Variants in SON observed in about 807,000 individuals in gnomAD.
The protein encoded by SON is SON DNA and RNA binding protein, also known as protein SON.
A neutral mutation model predicts 173.3 loss-of-function variants in SON; 4 were observed. The ratio of observed to expected loss-of-function variants is 0.02; its 90% CI spans 0.01 to 0.05. The LOEUF (loss-of-function observed/expected upper bound fraction) is 0.05. Ranked by LOEUF, SON falls within the 10% of genes least tolerant of loss-of-function variation. The pLI is 1.00. For synonymous variants in SON, 1,190 were observed against 1,105.9 expected (o/e 1.08, Z -1.51); for missense variants, 2,626 against 3,055.3 (o/e 0.86, Z 3.31).
chr21:33,545,250 C>T (rs558749010), intron 1 of SON, among the ~76,000 whole-genome samples: 1 of 152,230 alleles, frequency 6.6e-6, no homozygotes, highest in African/African-American at 2.4e-5. Context: ...AACAGTATGA[C>T]ACTAGTAGTC....
At chr21:33,575,122 C>T (rs1019360583) in intron 9 of SON, among the ~76,000 whole-genome samples, 5 of 152,046 alleles carry the variant, frequency 3.3e-5, no homozygotes, top group Non-Finnish European at 4.4e-5. Context: ...CTGCAACCTT[C>T]GCTTCCAGGT....
intron 1 of SON, among the ~76,000 whole-genome samples, chr21:33,545,421 A>G (rs2085591468): frequency 6.6e-6 from 1 of 152,214 alleles, no homozygotes; most frequent in East Asian, 1.9e-4. Flanking sequence ...TCATTTAGCT[A>G]AAATTGAAGT....
chr21:33,553,726 G>C lies in SON; in HGVS notation c.4495G>C (p.Glu1499Gln), dbSNP rs1349309767. Reference sequence around the variant, plus strand: ...CTCTGGTGATCAAAATCTTGCTCCAGAGATTGGCATGCAGGAGATTGCATT... The same window carrying C: ...CTCTGGTGATCAAAATCTTGCTCCACAGATTGGCATGCAGGAGATTGCATT... The part of the protein sequence containing the change: ...LSSGDQNLAP[E>Q]IGMQEIALHS... The change falls in exon 3 of 12, where the codon GAG (glutamate) becomes CAG (glutamine). Residue 1499 changes from glutamate (E) to glutamine (Q), a missense_variant. By Grantham distance (29) the Glu-to-Gln change is conservative (BLOSUM62 2). This residue lies in a region of SON where 1,006 missense variants were observed against 895.6 expected (regional missense o/e 1.12). Transcript: ENST00000356577. The C allele has an allele frequency of 6.2e-7, 1 of 1,614,064 alleles. No homozygotes were observed. Among genetic ancestry groups the C allele is most frequent in the Admixed American group, 1.7e-5 (1 of 60,020 alleles).
intron 9 of SON, 57 bp downstream of exon 9, chr21:33,573,512 AT>A: frequency 6.7e-7 from 1 of 1,493,004 alleles, no homozygotes; most frequent in Non-Finnish European, 9.2e-7. Context: ...TACCTTTAAT[AT>A]ATCCTTTTGA....
At chr21:33,544,907 A>G (rs561393647) in intron 1 of SON, among the ~76,000 whole-genome samples, 15 of 152,354 alleles carry the variant, frequency 9.8e-5, no homozygotes, top group African/African-American at 3.4e-4. Flanking sequence ...ATAATATTAG[A>G]CGAAGCAGTT....
chr21:33,548,426 T>G (rs1386427730), intron 2 of SON, among the ~76,000 whole-genome samples: 1 of 152,196 alleles, frequency 6.6e-6, no homozygotes, highest in Non-Finnish European at 1.5e-5. Context: ...AGAATAGTAT[T>G]GGGGGAAAAT....
Position 33,554,342 on chromosome 21 carries a change from G to A in SON, c.5111G>A (p.Gly1704Glu), listed in dbSNP as rs1453503491. Reference sequence around the variant, plus strand: ...CTCAGCCCTAAAGAAAGTAGTGGAGGAGAAAAAGAAGTACCTCCCCCTCCT... The same window carrying A: ...CTCAGCCCTAAAGAAAGTAGTGGAGAAGAAAAAGAAGTACCTCCCCCTCCT... Reference protein sequence around the residue: ...ALLSPKESSGGEKEVPPPPKE... With the variant: ...ALLSPKESSGEEKEVPPPPKE... The change falls in exon 3 of 12, where the codon GGA becomes GAA. Residue 1704 changes from glycine to glutamate, a missense_variant. By Grantham distance (98) the Gly-to-Glu change is moderately conservative. Transcript: ENST00000356577. 1.2e-6 allele frequency: 2 copies of A among 1,614,150 alleles called. No homozygotes were observed. Among genetic ancestry groups the A allele is most frequent in the Non-Finnish European group, 1.7e-6 (2 of 1,180,018 alleles).
intron 6 of SON, among the ~76,000 whole-genome samples, chr21:33,563,794 T>C (rs1031272898): frequency 6.6e-6 from 1 of 152,236 alleles, no homozygotes; most frequent in African/African-American, 2.4e-5. Context: ...ATGGTGCCAG[T>C]TGCATTATGG....
At chr21:33,544,202 A>G (rs567810522) in intron 1 of SON, among the ~76,000 whole-genome samples, 1 of 152,318 alleles carries the variant, frequency 6.6e-6, no homozygotes, top group South Asian at 2.1e-4. Context: ...CCAAAGTAAT[A>G]CAGGATTATT....
At chr21:33,561,692 CTG>C (rs1174677533) in intron 6 of SON, among the ~76,000 whole-genome samples, 1 of 152,130 alleles carries the variant, frequency 6.6e-6, no homozygotes, top group Non-Finnish European at 1.5e-5. Flanking sequence ...AATCTTAACA[CTG>C]AGTGTGGTGC....
At chr21:33,573,046 T>C (rs1166413406) in intron 8 of SON, 1 of 315,854 alleles carries the variant, frequency 3.2e-6, no homozygotes, top group Non-Finnish European at 5.8e-6. Flanking sequence ...TAATTTTTTT[T>C]TTTTGAGGGG....
In SON at chr21:33,577,356, AAGTTTATGTT is replaced by A. The variant is rs2086425300; in HGVS notation, c.*934_*943del. 6.6e-6 allele frequency: 1 copy of A among 152,598 alleles called. No homozygotes were observed. The highest frequency in any genetic ancestry group is 2.1e-4 in the South Asian group (1 of 4,832). The allele number at this position is 152,598 out of a possible 1,614,324, so 9.5% of individuals were successfully genotyped here. ...ATTTTGTTGACTATGAGAAAGTTAA[AAGTTTATGTT>A]AATTTTTAGGGTCTGATAGAATATT... is the stretch of plus-strand genomic sequence containing the variant. On this transcript the variant is annotated 3_prime_UTR_variant, in exon 12 of 12. Coordinates refer to ENST00000356577, the MANE Select transcript of SON (RefSeq NM_138927.4).
intron 4 of SON, chr21:33,558,591 C>G (rs1003638539): frequency 6.6e-6 from 1 of 152,142 alleles, no homozygotes; most frequent in African/African-American, 2.4e-5. Context: ...GCTCCTTATC[C>G]AAAATGCTAA....
At position 33,559,470 on chromosome 21, in the gene SON, T is replaced by TTAAA. The variant is rs1317124157; in HGVS notation, c.6468+97_6468+100dup. 6.7e-7 allele frequency: 1 copy of TTAAA among 1,484,218 alleles called. No homozygotes were observed. The highest frequency in any genetic ancestry group is 2.3e-5 in the East Asian group (1 of 44,016). The allele number at this position is 1,484,218 out of a possible 1,614,324, so 91.9% of individuals were successfully genotyped here. ...CGAATTTAGTTTATTAATTTTTGTT[T>TTAAA]TAAATACTGTGAGAAATAATGGATA... On this transcript the variant is annotated intron_variant, in intron 5 of 11. Coordinates refer to ENST00000356577, the MANE Select transcript of SON (RefSeq NM_138927.4). This position sits in a 1 kb window ranked among gnomAD's most constrained non-coding sequence, Gnocchi z 4.1.
chr21:33,576,597 A>G lies in SON; in HGVS notation c.*173A>G, dbSNP rs748525732. On this transcript the variant is annotated 3_prime_UTR_variant, in exon 12 of 12. Coordinates refer to ENST00000356577, the MANE Select transcript of SON (RefSeq NM_138927.4). ...GATAGATTGAGGTTTTATAATAATC[A>G]TTTCAGAATTTTACTCTGCATCACA... The G allele has an allele frequency of 4.2e-6, 3 of 711,316 alleles. No individual in the cohort carries two copies. In the Admixed American group the frequency reaches 6.0e-5, roughly 14 times the overall value. The allele number at this position is 711,316 out of a possible 1,614,324, so 44.1% of individuals were successfully genotyped here.
At chr21:33,566,381 A>AT (rs1422205116) in intron 6 of SON, among the ~76,000 whole-genome samples, 1 of 152,180 alleles carries the variant, frequency 6.6e-6, no homozygotes, top group East Asian at 1.9e-4. Flanking sequence ...AATCTGACAA[A>AT]TTAAGAATTG....
At chr21:33,575,946 G>T in intron 11 of SON, 53 bp downstream of exon 11, 1 of 860,726 alleles carries the variant, frequency 1.2e-6, no homozygotes, top group South Asian at 1.7e-5. Context: ...TGATGACTTA[G>T]AGGGTGAGGG....
At position 33,552,646 on chromosome 21, in the gene SON, ACATATACAGAGG is replaced by A. The variant is rs2085833580; in HGVS notation, c.3422_3433del (p.Thr1141_Tyr1144del). ...TTCTTACACCGATTCTTACACTGAC[ACATATACAGAGG>A]CATATATGGTGCCACCTTTGCCTCC... On this transcript the variant is annotated inframe_deletion, in exon 3 of 12. Transcript: ENST00000356577. The surrounding 1 kb of genome is among the most constrained non-coding windows in gnomAD (Gnocchi z 5.6). The A allele has an allele frequency of 6.2e-7, 1 of 1,613,994 alleles. No individual in the cohort carries two copies. Among genetic ancestry groups the A allele is most frequent in the Non-Finnish European group, 8.5e-7 (1 of 1,180,026 alleles).
rs1190853257 is a variant in SON at position 33,559,990 on chromosome 21, G to T, written c.6657+215G>T. 1 of 1,614,214 alleles carries T rather than the reference G, an allele frequency of 6.2e-7. No homozygotes were observed. The highest frequency in any genetic ancestry group is 8.5e-7 in the Non-Finnish European group (1 of 1,180,032). On this transcript the variant is annotated intron_variant, in intron 6 of 11. Coordinates refer to ENST00000356577, the MANE Select transcript of SON (RefSeq NM_138927.4). The surrounding 1 kb of genome is among the most constrained non-coding windows in gnomAD (Gnocchi z 4.1). ...GTGGAACCAAGCCACAAAGTGAAAA[G>T]CATCGAATTGCAGAGAACAGTGTTA... is the stretch of plus-strand genomic sequence containing the variant.
Sources: gnomAD v4.1 joint callset for allele counts (sites outside exome capture counted in the v4.1 genomes callset) on GRCh38, gnomAD v4.1.1 for gene constraint, gnomAD v4.1.1 regional missense constraint, Gnocchi (gnomAD v3.1) non-coding constraint, MANE v1.5 for transcripts, NCBI Gene and HGNC (gene_info 2026-07-23, HGNC 2026-07-21) for gene names.